NECTIN1: variants seen among roughly 807,000 people sequenced by gnomAD.
NECTIN1 encodes nectin cell adhesion molecule 1.
Under a neutral mutation model 48.0 loss-of-function variants are expected in NECTIN1, and 23 were observed. That is an observed-to-expected ratio of 0.48 (90% CI 0.34 to 0.68). NECTIN1 has a LOEUF of 0.68. Ranked by LOEUF, NECTIN1 falls within the 30% of genes least tolerant of loss-of-function variation. NECTIN1 has a pLI of 0.01. For synonymous variants in NECTIN1, 270 were observed against 288.9 expected, an observed-to-expected ratio of 0.93 and a Z score of 0.66; for missense variants, 591 against 709.9, an observed-to-expected ratio of 0.83 and a Z score of 1.90.
downstream of NECTIN1, among the ~76,000 whole-genome samples, chr11:119,658,451 G>A (rs184427204): frequency 1.2e-4 from 19 of 152,258 alleles, no homozygotes; most frequent in African/African-American, 2.9e-4. Context: ...GCTCTGCATC[G>A]TGCTGCTCGG....
chr11:119,697,880 G>T (rs998356402), intron 1 of NECTIN1, among the ~76,000 whole-genome samples: 5 of 152,248 alleles, frequency 3.3e-5, no homozygotes, highest in Admixed American at 6.5e-5. Context: ...AACAAATTCT[G>T]AAGAGTGATT....
intron 1 of NECTIN1, among the ~76,000 whole-genome samples, chr11:119,712,119 T>C (rs947631207): frequency 2.0e-5 from 3 of 152,180 alleles, no homozygotes; most frequent in Non-Finnish European, 4.4e-5. Flanking sequence ...TCTGGACAAG[T>C]TGGGCTTGGA....
In NECTIN1 at chr11:119,677,042, C is replaced by G; in HGVS notation, c.851+60G>C. 6.9e-7 allele frequency: 1 copy of G among 1,440,150 alleles called. No homozygotes were observed. 89.2% of individuals were successfully genotyped at this position (1,440,150 alleles called of 1,614,324 possible). A position where few individuals can be genotyped will look rare whatever the true frequency, so the allele number is the denominator to read the frequency against. ...TCCTGGAGGTAGGATGGTTGCCCCT[C>G]ATCACCCGTGGTCCAGTCAGCTGTC... On this transcript the variant is annotated intron_variant, in intron 4 of 5. Transcript: ENST00000264025. The surrounding 1 kb of genome is among the most constrained non-coding windows in gnomAD (Gnocchi z 5.4).
chr11:119,667,212 G>A (rs1001944954), intron 5 of NECTIN1, among the ~76,000 whole-genome samples: 4 of 152,142 alleles, frequency 2.6e-5, no homozygotes, highest in Non-Finnish European at 4.4e-5. Context: ...CACGAGATGG[G>A]AGCAGCCTCC....
intron 1 of NECTIN1, among the ~76,000 whole-genome samples, chr11:119,696,956 G>A (rs1262723945): frequency 6.6e-6 from 1 of 152,082 alleles, no homozygotes; most frequent in Non-Finnish European, 1.5e-5. Context: ...AGACCTGGCA[G>A]GGGAGGAGGG....
chr11:119,640,046 G>A (rs780690195), intron 5 of NECTIN1: 40 of 1,578,992 alleles, frequency 2.5e-5, no homozygotes, highest in Non-Finnish European at 3.5e-5. Flanking sequence ...GGATTAGAGA[G>A]AGAAACTCAA....
chr11:119,703,569 C>T lies in NECTIN1; in HGVS notation c.80-24804G>A, dbSNP rs1032903914. Among the ~76,000 whole-genome samples, 6 of 152,202 alleles carry T rather than the reference C, an allele frequency of 3.9e-5. No homozygotes were observed. In the East Asian group the frequency reaches 9.6e-4, roughly 24 times the overall value. On this transcript the variant is annotated intron_variant, in intron 1 of 5. Transcript: ENST00000264025. ...GCTCCCCAGGAGCAACAAGCCCAAC[C>T]TACTTGCTGTACAGATAAGGAAATT...
chr11:119,640,137 C>T, intron 5 of NECTIN1: 2 of 1,071,114 alleles, frequency 1.9e-6, no homozygotes, highest in East Asian at 5.2e-5. Context: ...CCCCAGCTCC[C>T]CTCCCCATGG....
In NECTIN1 at chr11:119,677,436, G is replaced by A. The variant is rs904524834; in HGVS notation, c.733+119C>T. ...AAACGAGCAAAGGGAGGAGATAGGG[G>A]AGACAGGAGGGGAGAAGAAAGCACC... is the stretch of plus-strand genomic sequence containing the variant. On this transcript the variant is annotated intron_variant, in intron 3 of 5. Transcript: ENST00000264025. The surrounding 1 kb of genome is among the most constrained non-coding windows in gnomAD (Gnocchi z 5.4). 3 of 1,202,764 alleles carry A rather than the reference G, an allele frequency of 2.5e-6. No homozygotes were observed. Among genetic ancestry groups the A allele is most frequent in the African/African-American group, 1.5e-5 (1 of 66,662 alleles). The allele number at this position is 1,202,764 out of a possible 1,614,324, so 74.5% of individuals were successfully genotyped here.
chr11:119,668,229 T>C (rs533973548), intron 5 of NECTIN1, among the ~76,000 whole-genome samples: 14 of 152,322 alleles, frequency 9.2e-5, no homozygotes, highest in African/African-American at 2.9e-4. Flanking sequence ...CAACTTCCTG[T>C]CGCCACTGTC....
At chr11:119,674,280 G>C in intron 5 of NECTIN1, 1 of 1,205,528 alleles carries the variant, frequency 8.3e-7, no homozygotes, top group African/African-American at 1.5e-5. Context: ...AGATAGCTCA[G>C]GTCCACTGTA....
At chr11:119,695,039 A>G (rs536418727) in intron 1 of NECTIN1, among the ~76,000 whole-genome samples, 5 of 152,122 alleles carry the variant, frequency 3.3e-5, no homozygotes, top group Non-Finnish European at 7.4e-5. Context: ...AGTACTGAAA[A>G]TATCACACCT....
At chr11:119,648,289 A>ATGGTGGTGATGGTGGTGATGGTGATGG (rs1864431365) in intron 5 of NECTIN1, among the ~76,000 whole-genome samples, 2 of 10,752 alleles carry the variant, frequency 1.9e-4, no homozygotes, top group Non-Finnish European at 3.9e-4. Flanking sequence ...GGTGGTGGTG[A>ATGGTGGTGATGGTGGTGATGGTGATGG]TGGTGGTGGT....
intron 1 of NECTIN1, among the ~76,000 whole-genome samples, chr11:119,701,533 C>T (rs533186198): frequency 6.2e-4 from 94 of 152,136 alleles, no homozygotes; most frequent in Non-Finnish European, 1.2e-3. Flanking sequence ...CTTTGAGTGA[C>T]ACCTCTTCTG....
At chr11:119,700,149 G>C (rs2135569999) in intron 1 of NECTIN1, among the ~76,000 whole-genome samples, 1 of 152,320 alleles carries the variant, frequency 6.6e-6, no homozygotes, top group South Asian at 2.1e-4. Context: ...CAGGAGGCCT[G>C]GGGGAGAATC....
At chr11:119,708,103 G>T (rs1865577388) in intron 1 of NECTIN1, among the ~76,000 whole-genome samples, 1 of 152,244 alleles carries the variant, frequency 6.6e-6, no homozygotes, top group African/African-American at 2.4e-5. Context: ...GAGCTCAGAA[G>T]GGGGAGTGAT....
Position 119,682,530 on chromosome 11 carries a change from T to C in NECTIN1, c.80-3765A>G, listed in dbSNP as rs1396620015. 4.6e-5 allele frequency among the ~76,000 whole-genome samples: 7 copies of C among 152,172 alleles called. No homozygotes were observed. The East Asian group carries it at 9.6e-4, about 21-fold the overall frequency. ...TGTTAGGAGCCAGGCAGTAGGGGGTTGCATTCCACCTCTGCCATTGATGAG... is the reference window on the plus strand; with the variant it reads ...TGTTAGGAGCCAGGCAGTAGGGGGTCGCATTCCACCTCTGCCATTGATGAG... On this transcript the variant is annotated intron_variant, in intron 1 of 5. Transcript: ENST00000264025.
intron 5 of NECTIN1, among the ~76,000 whole-genome samples, chr11:119,648,277 A>ATGGTGG (rs1328646018): frequency 4.0e-5 from 1 of 25,014 alleles, no homozygotes. Flanking sequence ...GGTGGTGGTG[A>ATGGTGG]TGGTGGTGGT....
In NECTIN1 at chr11:119,672,135, C is replaced by T. The variant is rs917423435; in HGVS notation, c.1003+3024G>A. Among the ~76,000 whole-genome samples, 1 of 152,226 alleles carries T rather than the reference C, an allele frequency of 6.6e-6. No individual in the cohort carries two copies. Among genetic ancestry groups the T allele is most frequent in the Non-Finnish European group, 1.5e-5 (1 of 68,038 alleles). Reference sequence around the variant, plus strand: ...GACCCTCACCTGCAAGGGATGAGCCCGGGCTTCACTGGAAATGTGAGTTGG... The same window carrying T: ...GACCCTCACCTGCAAGGGATGAGCCTGGGCTTCACTGGAAATGTGAGTTGG... On this transcript the variant is annotated intron_variant, in intron 5 of 5. Coordinates refer to ENST00000264025, the MANE Select transcript of NECTIN1 (RefSeq NM_002855.5). The surrounding 1 kb of genome is among the most constrained non-coding windows in gnomAD (Gnocchi z 4.3).
Sources: allele counts gnomAD v4.1 joint callset (sites outside exome capture counted in the v4.1 genomes callset), GRCh38; gene constraint gnomAD v4.1.1; non-coding constraint Gnocchi (gnomAD v3.1); transcripts MANE v1.5; gene names NCBI Gene and HGNC (gene_info 2026-07-23, HGNC 2026-07-21).